Variants in FARS2 observed in about 807,000 individuals in gnomAD.
FARS2 encodes the protein phenylalanyl-tRNA synthetase 2, mitochondrial.
FARS2 carries 40 observed loss-of-function variants against 46.4 expected under a neutral mutation model. That is an observed-to-expected ratio of 0.86 (90% CI 0.67 to 1.12). FARS2 has a LOEUF of 1.12. FARS2 is among the 50% of genes most tolerant of loss of function. The pLI is 0.00. For synonymous variants in FARS2, 234 were observed against 214.9 expected (o/e 1.09, Z -0.78); for missense variants, 513 against 567.9 (o/e 0.90, Z 0.98).
chr6:5,701,447 C>T (rs1426905843), intron 6 of FARS2, among the ~76,000 whole-genome samples: 5 of 152,208 alleles, frequency 3.3e-5, no homozygotes, highest in East Asian at 1.9e-4. Context: ...TGAATGTGAA[C>T]GTGAAAGCAT....
chr6:5,403,584 G>A lies in FARS2; in HGVS notation c.613-958G>A, dbSNP rs539656304. Among the ~76,000 whole-genome samples the A allele has an allele frequency of 4.0e-5, 6 of 151,468 alleles. No individual in the cohort carries two copies. In the South Asian group the frequency reaches 8.4e-4, roughly 21 times the overall value. On this transcript the variant is annotated intron_variant, in intron 2 of 6. Coordinates refer to ENST00000274680, the MANE Select transcript of FARS2 (RefSeq NM_006567.5). The stretch of plus-strand genomic sequence containing the variant: ...GAGTTCAGTCACTCCTCTCTATCTC[G>A]GTTTTACTTCTTCAATGCTGTTAAG...
intron 6 of FARS2, among the ~76,000 whole-genome samples, chr6:5,635,763 A>G (rs1776517954): frequency 6.6e-6 from 1 of 152,084 alleles, no homozygotes. Context: ...CCCGAAGCCC[A>G]CCCCATGGAG....
intron 6 of FARS2, among the ~76,000 whole-genome samples, chr6:5,621,164 C>G (rs891360557): frequency 6.6e-6 from 1 of 151,974 alleles, no homozygotes; most frequent in Admixed American, 6.5e-5. Flanking sequence ...GTTGCCCAGG[C>G]TGGAGTGCAA....
intron 6 of FARS2, among the ~76,000 whole-genome samples, chr6:5,759,477 T>C (rs1762377596): frequency 6.6e-6 from 1 of 152,156 alleles, no homozygotes; most frequent in Non-Finnish European, 1.5e-5. Context: ...AGGTCCTCAG[T>C]ACCCAGCAGA....
At chr6:5,398,419 T>G (rs192722419) in intron 2 of FARS2, among the ~76,000 whole-genome samples, 93 of 152,260 alleles carry the variant, frequency 6.1e-4, no homozygotes, top group African/African-American at 2.1e-3. Context: ...TTGCTGAAAT[T>G]TACCCAGGTT....
At chr6:5,507,975 T>G (rs996001333) in intron 4 of FARS2, among the ~76,000 whole-genome samples, 4 of 152,248 alleles carry the variant, frequency 2.6e-5, no homozygotes, top group Admixed American at 2.0e-4. Context: ...AGCAAGTGAT[T>G]GAGAGTTCTG....
chr6:5,726,190 C>G (rs1212642758), intron 6 of FARS2, among the ~76,000 whole-genome samples: 1 of 151,670 alleles, frequency 6.6e-6, no homozygotes, highest in East Asian at 1.9e-4. Context: ...TTAATCCTCA[C>G]TTGGGATTAA....
chr6:5,409,265 T>C (rs1315117776), intron 3 of FARS2, among the ~76,000 whole-genome samples: 2 of 151,978 alleles, frequency 1.3e-5, no homozygotes, highest in East Asian at 3.9e-4. Flanking sequence ...CTGTCTAACA[T>C]GGTGAAACCC....
intron 4 of FARS2, among the ~76,000 whole-genome samples, chr6:5,524,112 AT>A (rs1393594913): frequency 4.7e-5 from 2 of 42,904 alleles, no homozygotes; most frequent in Admixed American, 3.2e-4. Flanking sequence ...ACAATAGATA[AT>A]GAATGTACCA....
At chr6:5,470,463 C>T (rs1279605025) in intron 4 of FARS2, among the ~76,000 whole-genome samples, 1 of 150,914 alleles carries the variant, frequency 6.6e-6, no homozygotes, top group Non-Finnish European at 1.5e-5. Flanking sequence ...ATACACTACC[C>T]AATTTCAGCT....
chr6:5,414,038 A>G (rs758239376), intron 3 of FARS2, among the ~76,000 whole-genome samples: 2 of 152,180 alleles, frequency 1.3e-5, no homozygotes, highest in African/African-American at 2.4e-5. Context: ...AAAACAAACA[A>G]CTACCATTAT....
At chr6:5,314,978 A>G (rs1364868808) in intron 1 of FARS2, among the ~76,000 whole-genome samples, 2 of 152,246 alleles carry the variant, frequency 1.3e-5, no homozygotes, top group Non-Finnish European at 2.9e-5. Context: ...AGGAAAATCC[A>G]GTATACAAAA....
In FARS2 at chr6:5,599,687, T is replaced by G. The variant is rs138569416; in HGVS notation, c.1066-13482T>G. On this transcript the variant is annotated intron_variant, in intron 5 of 6. Transcript: ENST00000274680. ...ATTCACAGATATGTGATCTCCACAG[T>G]CAATTTTAGAACATTTTCATCACCC... Among the ~76,000 whole-genome samples the G allele has an allele frequency of 4.9e-3, 739 of 152,346 alleles. 9 individuals carry two copies. Among genetic ancestry groups the G allele is most frequent in the African/African-American group, 0.017 (703 of 41,574 alleles).
At chr6:5,726,754 A>T (rs1406443901) in intron 6 of FARS2, among the ~76,000 whole-genome samples, 2 of 152,058 alleles carry the variant, frequency 1.3e-5, no homozygotes, top group Admixed American at 6.6e-5. Context: ...TGATCTGCGA[A>T]CCCCTCTGCC....
intron 5 of FARS2, among the ~76,000 whole-genome samples, chr6:5,592,775 A>G (rs1773988345): frequency 6.6e-6 from 1 of 152,216 alleles, no homozygotes; most frequent in South Asian, 2.1e-4. Flanking sequence ...TTCCCTTAGC[A>G]AAGAAATGTT....
chr6:5,558,181 A>G (rs1771776168), intron 5 of FARS2, among the ~76,000 whole-genome samples: 2 of 152,190 alleles, frequency 1.3e-5, no homozygotes, highest in African/African-American at 4.8e-5. Context: ...CTCATCCTGT[A>G]CAAAAGAACA....
At chr6:5,551,801 G>A (rs575372509) in intron 5 of FARS2, among the ~76,000 whole-genome samples, 73 of 152,094 alleles carry the variant, frequency 4.8e-4, no homozygotes, top group Non-Finnish European at 1.5e-5. Flanking sequence ...GCTTATGACA[G>A]CATCACGTTG....
intron 6 of FARS2, among the ~76,000 whole-genome samples, chr6:5,762,627 C>T (rs1038057109): frequency 2.0e-5 from 3 of 152,368 alleles, no homozygotes; most frequent in Admixed American, 1.3e-4. Flanking sequence ...CTGCAAAACA[C>T]GTGTCTCTAA....
chr6:5,572,113 A>T (rs1772690087), intron 5 of FARS2, among the ~76,000 whole-genome samples: 1 of 152,196 alleles, frequency 6.6e-6, no homozygotes, highest in East Asian at 1.9e-4. Flanking sequence ...GCTATAAAGA[A>T]ATACCTGAGA....
Sources: allele counts gnomAD v4.1 joint callset (sites outside exome capture counted in the v4.1 genomes callset), GRCh38; gene constraint gnomAD v4.1.1; transcripts MANE v1.5; gene names NCBI Gene and HGNC (gene_info 2026-07-23, HGNC 2026-07-21).